PPEF1: variants seen among roughly 807,000 people sequenced by gnomAD.
PPEF1 encodes the protein serine/threonine-protein phosphatase with EF-hands 1.
PPEF1 carries 12 observed loss-of-function variants against 53.3 expected under a neutral mutation model. The observed-to-expected ratio is 0.23, with a 90% CI of 0.14 to 0.36. The LOEUF is 0.36. Among genes scored for constraint, PPEF1 ranks in the 10% least tolerant of loss-of-function variants. PPEF1 has a pLI of 1.00. For synonymous variants in PPEF1, 165 were observed against 176.7 expected (o/e 0.93, Z 0.52); for missense variants, 334 against 490.4 (o/e 0.68, Z 3.01).
rs2045572365 is a variant in PPEF1 at position 18,757,507 on chromosome X, G to A, written c.397-120G>A. 5 of 504,543 alleles carry A rather than the reference G, an allele frequency of 9.9e-6. No individual in the cohort carries two copies. In the South Asian group the frequency reaches 1.6e-4, roughly 16 times the overall value. The allele number at this position is 504,543 out of a possible 1,213,427, so 41.6% of individuals were successfully genotyped here. A position where few individuals can be genotyped will look rare whatever the true frequency, so the allele number is the denominator to read the frequency against. ...ATGATCTATTTCAGAATAATTGAAA[G>A]GTTATCCTGAAATACAGCGACCTGA... On this transcript the variant is annotated intron_variant, in intron 4 of 15. Coordinates refer to ENST00000470157, the MANE Select transcript of PPEF1 (RefSeq NM_001377996.1).
intron 6 of PPEF1, among the ~76,000 whole-genome samples, chrX:18,777,369 G>C (rs979347953): frequency 8.9e-6 from 1 of 112,500 alleles, no homozygotes; most frequent in African/African-American, 3.2e-5. Context: ...ATAAGATACT[G>C]AGTTTAATAA....
rs1272117906 is a variant in PPEF1, at chrX:18,730,178, C to G, written c.47-3C>G. The G allele has an allele frequency of 8.3e-7, 1 of 1,202,899 alleles. No homozygotes were observed. Among genetic ancestry groups the G allele is most frequent in the Non-Finnish European group, 1.1e-6 (1 of 892,584 alleles). ...TTGACTTTCATATTCTGTGGGTCTG[C>G]AGCACTGAGAGCTGCGTTGATCATC... is the stretch of plus-strand genomic sequence containing the variant. On this transcript the variant is annotated splice_region_variant and splice_polypyrimidine_tract_variant and intron_variant, in intron 1 of 15. Transcript: ENST00000470157.
chrX:18,754,810 A>G (rs767547681), intron 4 of PPEF1, among the ~76,000 whole-genome samples: 1 of 111,800 alleles, frequency 8.9e-6, no homozygotes, highest in South Asian at 3.8e-4. Context: ...TGTGTTGCCC[A>G]GGCTGGTCTC....
At chrX:18,802,440 G>A (rs927183341) in intron 10 of PPEF1, among the ~76,000 whole-genome samples, 1 of 111,302 alleles carries the variant, frequency 9.0e-6, no homozygotes, top group East Asian at 2.8e-4. Flanking sequence ...CCTCTCCTGC[G>A]CCCCAAAGGA....
intron 1 of PPEF1, among the ~76,000 whole-genome samples, chrX:18,712,067 T>A (rs2044344279): frequency 3.6e-5 from 4 of 112,219 alleles, no homozygotes; most frequent in African/African-American, 9.7e-5. Context: ...TAGCTTTTTT[T>A]AATAAAGTTT....
intron 12 of PPEF1, among the ~76,000 whole-genome samples, chrX:18,810,599 C>T (rs143819872): frequency 7.1e-5 from 8 of 112,218 alleles, no homozygotes; most frequent in Non-Finnish European, 1.3e-4. Context: ...TGCCTATTCT[C>T]GGCATTTCAT....
Position 18,772,240 on chromosome X carries a change from G to A in PPEF1, c.559-6770G>A, listed in dbSNP as rs188779115. 4.6e-3 allele frequency among the ~76,000 whole-genome samples: 515 copies of A among 111,078 alleles called. 1 individual carries two copies. Among genetic ancestry groups the A allele is most frequent in the Non-Finnish European group, 8.2e-3 (434 of 53,063 alleles). ...TCACCAAGGTTTTTATCTTCATGTT[G>A]AGTAGGCTGAGGAGGAGGAAGAGGC... On this transcript the variant is annotated intron_variant, in intron 6 of 15. Transcript: ENST00000470157.
chrX:18,675,862 T>C (rs1381975110), upstream of PPEF1: 1 of 107,705 alleles, frequency 9.3e-6, no homozygotes, highest in Non-Finnish European at 1.9e-5. Flanking sequence ...GTCAGTGTCA[T>C]TTGCCTTCTT....
intron 10 of PPEF1, among the ~76,000 whole-genome samples, chrX:18,799,174 A>T (rs777036143): frequency 5.6e-4 from 60 of 107,500 alleles, no homozygotes; most frequent in Middle Eastern, 4.8e-3. Flanking sequence ...CGGGGGTTGC[A>T]GTGAGCCGAG....
intron 7 of PPEF1, among the ~76,000 whole-genome samples, chrX:18,781,061 CA>C (rs200779386): frequency 1.4e-5 from 1 of 73,102 alleles, no homozygotes; most frequent in Non-Finnish European, 2.4e-5. Flanking sequence ...GTCTCAAAAA[CA>C]AAAAAAAAGG....
intron 12 of PPEF1, among the ~76,000 whole-genome samples, chrX:18,817,070 G>A (rs6633154): frequency 2.0e-3 from 45 of 22,159 alleles, no homozygotes; most frequent in African/African-American, 3.0e-3. Context: ...ATTTTGCCAT[G>A]TGTGTGTGTG....
intron 12 of PPEF1, among the ~76,000 whole-genome samples, chrX:18,810,383 G>A (rs766913593): frequency 4.5e-5 from 5 of 110,543 alleles, no homozygotes; most frequent in African/African-American, 1.3e-4. Flanking sequence ...GCTACGTTGA[G>A]ATGTAATTTA....
chrX:18,817,960 A>G, intron 12 of PPEF1, 79 bp from the exon 13 acceptor site: 1 of 751,469 alleles, frequency 1.3e-6, no homozygotes, highest in South Asian at 2.9e-5. Context: ...AAAATTCATA[A>G]ATAGTAATAT....
chrX:18,778,983 GT>G lies in PPEF1; in HGVS notation c.559-21del, dbSNP rs770766437. 2.6e-6 allele frequency: 3 copies of G among 1,151,839 alleles called. No individual in the cohort carries two copies. In the East Asian group the frequency reaches 9.0e-5, roughly 35 times the overall value. 94.9% of individuals were successfully genotyped at this position (1,151,839 alleles called of 1,213,427 possible). A position where few individuals can be genotyped will look rare whatever the true frequency, so the allele number is the denominator to read the frequency against. ...TAAAAGTATATTCTTTTAATTCCTT[GT>G]TTTTTCCCTTCTCCTCCTTCCACAG... On this transcript the variant is annotated intron_variant, in intron 6 of 15. Transcript: ENST00000470157.
intron 1 of PPEF1, among the ~76,000 whole-genome samples, chrX:18,719,096 A>G (rs765892311): frequency 2.7e-5 from 3 of 112,202 alleles, no homozygotes; most frequent in African/African-American, 9.7e-5. Context: ...AATGATAGGA[A>G]TTCTTTTATA....
intron 4 of PPEF1, among the ~76,000 whole-genome samples, chrX:18,755,603 T>C (rs1306630709): frequency 5.5e-5 from 6 of 108,456 alleles, no homozygotes; most frequent in Non-Finnish European, 9.5e-5. Flanking sequence ...GGTTCAACAG[T>C]TTTTAGTATA....
intron 10 of PPEF1, among the ~76,000 whole-genome samples, chrX:18,798,705 C>T (rs1602465946): frequency 9.0e-6 from 1 of 110,889 alleles, no homozygotes; most frequent in East Asian, 2.9e-4. Flanking sequence ...CTCAATGCAG[C>T]CTCTGCCTCC....
At chrX:18,776,998 A>C (rs2045980159) in intron 6 of PPEF1, among the ~76,000 whole-genome samples, 1 of 112,801 alleles carries the variant, frequency 8.9e-6, no homozygotes, top group African/African-American at 3.2e-5. Context: ...CTTAATTTGT[A>C]TGTTGCTTTA....
chrX:18,763,098 G>A (rs759655192), intron 6 of PPEF1, among the ~76,000 whole-genome samples: 16 of 112,020 alleles, frequency 1.4e-4, no homozygotes, highest in Admixed American at 4.7e-4. Context: ...ATCTAAAGAC[G>A]TAAGTGATTA....
Sources: allele counts gnomAD v4.1 joint callset (sites outside exome capture counted in the v4.1 genomes callset), GRCh38; gene constraint gnomAD v4.1.1; transcripts MANE v1.5; gene names NCBI Gene and HGNC (gene_info 2026-07-23, HGNC 2026-07-21).